PAPPA2: variants seen among roughly 807,000 people sequenced by gnomAD.
PAPPA2 encodes pappalysin 2.
A neutral mutation model predicts 176.4 loss-of-function variants in PAPPA2; 86 were observed. That is an observed-to-expected ratio of 0.49 (90% CI 0.41 to 0.58). The LOEUF is 0.58. PAPPA2 is among the 20% of genes least tolerant of loss of function. PAPPA2 has a pLI of 0.00. For synonymous variants in PAPPA2, 809 were observed against 852.2 expected (o/e 0.95, Z 0.88); for missense variants, 2,073 against 2,256.9 (o/e 0.92, Z 1.65).
In PAPPA2 at chr1:176,556,857, A is replaced by G. The variant is rs767926677; in HGVS notation, c.535A>G (p.Thr179Ala). Residue 179 changes from threonine to alanine, a missense_variant, in exon 2 of 23, where the codon ACC becomes GCC. By Grantham distance (58) the Thr-to-Ala change is moderately conservative (BLOSUM62 0). Coordinates refer to ENST00000367662, the MANE Select transcript of PAPPA2 (RefSeq NM_020318.3). The part of the protein sequence containing the change: ...AATTTTAIFT[T>A]LNEPKPETQR... ...CACTACTACCACCGCCATTTTCACA[A>G]CCCTGAACGAACCCAAACCAGAGAC... The G allele has an allele frequency of 3.1e-6, 5 of 1,614,050 alleles. No homozygotes were observed. Among genetic ancestry groups the G allele is most frequent in the Non-Finnish European group, 4.2e-6 (5 of 1,180,020 alleles).
intron 14 of PAPPA2, among the ~76,000 whole-genome samples, chr1:176,745,811 T>C (rs1662881299): frequency 6.6e-6 from 1 of 152,012 alleles, no homozygotes; most frequent in Non-Finnish European, 1.5e-5. Flanking sequence ...TTCTACAGAA[T>C]GGAATGGGGC....
At chr1:176,836,918 T>C (rs1667293380) in intron 21 of PAPPA2, 1 of 152,118 alleles carries the variant, frequency 6.6e-6, no homozygotes, top group Non-Finnish European at 1.5e-5. Flanking sequence ...CTGGCACATA[T>C]AGGTGTGGAA....
At chr1:176,507,180 T>TA (rs1420997864) in intron 1 of PAPPA2, among the ~76,000 whole-genome samples, 1 of 151,280 alleles carries the variant, frequency 6.6e-6, no homozygotes, top group Non-Finnish European at 1.5e-5. Context: ...AACAAATACA[T>TA]AAAAAATGCT....
chr1:176,471,237 A>G (rs1380179980), intron 1 of PAPPA2, among the ~76,000 whole-genome samples: 2 of 152,142 alleles, frequency 1.3e-5, no homozygotes, highest in African/African-American at 2.4e-5. Context: ...TGCCACCGGA[A>G]GGATGAGTAG....
intron 1 of PAPPA2, among the ~76,000 whole-genome samples, chr1:176,531,336 G>A (rs757059751): frequency 4.6e-5 from 7 of 152,202 alleles, no homozygotes; most frequent in South Asian, 2.1e-4. Context: ...TGGGACACAC[G>A]ACTTCCTGAA....
chr1:176,790,406 C>T (rs1294494852), intron 18 of PAPPA2, among the ~76,000 whole-genome samples: 3 of 152,116 alleles, frequency 2.0e-5, no homozygotes, highest in African/African-American at 7.2e-5. Flanking sequence ...GATTTTGGCA[C>T]AAAAGGTCTC....
chr1:176,739,233 T>G (rs1662558627), intron 12 of PAPPA2, among the ~76,000 whole-genome samples: 1 of 152,176 alleles, frequency 6.6e-6, no homozygotes. Flanking sequence ...GTTTGATGAT[T>G]CTTCTCCACT....
At chr1:176,821,389 A>C (rs1375200426) in intron 21 of PAPPA2, among the ~76,000 whole-genome samples, 3 of 152,226 alleles carry the variant, frequency 2.0e-5, no homozygotes, top group Non-Finnish European at 4.4e-5. Context: ...ATAAATAGGC[A>C]TGAAAGGCAA....
intron 1 of PAPPA2, among the ~76,000 whole-genome samples, chr1:176,531,819 T>G (rs986836778): frequency 1.1e-4 from 17 of 152,176 alleles, no homozygotes; most frequent in African/African-American, 4.1e-4. Flanking sequence ...AAATATAAAA[T>G]GAAACGAGTA....
intron 1 of PAPPA2, among the ~76,000 whole-genome samples, chr1:176,547,986 G>T (rs1264597980): frequency 6.6e-6 from 1 of 152,162 alleles, no homozygotes; most frequent in South Asian, 2.1e-4. Context: ...TTCTGGGGTT[G>T]GTTGTTAGCA....
At chr1:176,759,483 A>G (rs571017307) in intron 14 of PAPPA2, among the ~76,000 whole-genome samples, 2 of 152,270 alleles carry the variant, frequency 1.3e-5, no homozygotes, top group Middle Eastern at 3.4e-3. Context: ...ACTCTTACAT[A>G]GGAAAAAAAA....
intron 9 of PAPPA2, among the ~76,000 whole-genome samples, chr1:176,706,139 A>C (rs1660871556): frequency 6.6e-6 from 1 of 152,166 alleles, no homozygotes; most frequent in African/African-American, 2.4e-5. Context: ...CCCACAACCC[A>C]CTGGACATGC....
At chr1:176,790,252 C>G (rs1315582656) in intron 18 of PAPPA2, among the ~76,000 whole-genome samples, 1 of 152,084 alleles carries the variant, frequency 6.6e-6, no homozygotes, top group East Asian at 1.9e-4. Flanking sequence ...CCTGATTTAG[C>G]AATGTGATCT....
intron 22 of PAPPA2, 42 bp downstream of exon 22, chr1:176,840,313 G>T (rs375261816): frequency 2.0e-6 from 3 of 1,499,316 alleles, no homozygotes; most frequent in Non-Finnish European, 1.9e-6. Flanking sequence ...AGTGGCTTCA[G>T]GAATAAAGGC....
At chr1:176,602,426 T>G (rs913623962) in intron 3 of PAPPA2, among the ~76,000 whole-genome samples, 4 of 152,126 alleles carry the variant, frequency 2.6e-5, no homozygotes, top group Non-Finnish European at 4.4e-5. Context: ...GCACATGGCA[T>G]CAAAGGGAAC....
Position 176,594,828 on chromosome 1 carries a change from G to A in PAPPA2, c.1224G>A (p.Leu408=), listed in dbSNP as rs1348699807. ...PFMASCRSLL[L]GGDSSEDGHY... ...TGGCATCTTGCCGCTCTTTGCTCCT[G>A]GGGGGAGACAGCTCTGAGGATGGGC... Residue 408 remains leucine (L), a synonymous_variant, in exon 3 of 23, where the codon CTG becomes CTA. Coordinates refer to ENST00000367662, the MANE Select transcript of PAPPA2 (RefSeq NM_020318.3). 6.2e-7 allele frequency: 1 copy of A among 1,614,176 alleles called. No individual in the cohort carries two copies. The highest frequency in any genetic ancestry group is 8.5e-7 in the Non-Finnish European group (1 of 1,180,018).
chr1:176,564,919 G>GCC (rs954511318), intron 2 of PAPPA2, among the ~76,000 whole-genome samples: 11 of 151,878 alleles, frequency 7.2e-5, no homozygotes, highest in African/African-American at 2.7e-4. Flanking sequence ...GTACCCATTA[G>GCC]CCCTACCCAC....
At chr1:176,482,934 G>T (rs1160725329) in intron 1 of PAPPA2, among the ~76,000 whole-genome samples, 2 of 152,144 alleles carry the variant, frequency 1.3e-5, no homozygotes, top group African/African-American at 4.8e-5. Flanking sequence ...GAGGGAGGAG[G>T]ATGGGGGCAT....
chr1:176,758,293 C>T (rs996766628), intron 14 of PAPPA2, among the ~76,000 whole-genome samples: 3 of 152,204 alleles, frequency 2.0e-5, no homozygotes, highest in African/African-American at 7.2e-5. Context: ...TAACATTTAA[C>T]CTGGTTCCTG....
Sources: allele counts gnomAD v4.1 joint callset (sites outside exome capture counted in the v4.1 genomes callset), GRCh38; gene constraint gnomAD v4.1.1; transcripts MANE v1.5; gene names NCBI Gene and HGNC (gene_info 2026-07-23, HGNC 2026-07-21).